Variants in ARMC1 observed in about 807,000 individuals in gnomAD.
The protein encoded by ARMC1 is armadillo repeat-containing protein 1.
ARMC1 carries 16 observed loss-of-function variants against 31.4 expected under a neutral mutation model. The ratio of observed to expected loss-of-function variants is 0.51; its 90% CI spans 0.34 to 0.77. The LOEUF (loss-of-function observed/expected upper bound fraction) is 0.77, where lower values mean the gene tolerates loss of function less well. Ranked by LOEUF, ARMC1 falls within the 30% of genes least tolerant of loss-of-function variation. The pLI is 0.01. For synonymous variants in ARMC1, 114 were observed against 118.9 expected, an observed-to-expected ratio of 0.96 and a Z score of 0.27; for missense variants, 259 against 347.5, an observed-to-expected ratio of 0.75 and a Z score of 2.02.
intron 2 of ARMC1, among the ~76,000 whole-genome samples, chr8:65,623,384 C>T (rs371287800): frequency 6.6e-4 from 98 of 148,488 alleles, no homozygotes; most frequent in African/African-American, 1.8e-3. Flanking sequence ...CAAGGCAGGC[C>T]GATCACTTAA....
At chr8:65,614,668 T>C (rs1371228537) in intron 3 of ARMC1, among the ~76,000 whole-genome samples, 2 of 152,198 alleles carry the variant, frequency 1.3e-5, no homozygotes, top group Non-Finnish European at 2.9e-5. Flanking sequence ...TGTCCTTCTA[T>C]TATTCTTTGG....
intron 2 of ARMC1, among the ~76,000 whole-genome samples, chr8:65,624,089 C>T (rs963714513): frequency 1.7e-4 from 26 of 151,098 alleles, no homozygotes; most frequent in African/African-American, 6.1e-4. Flanking sequence ...TGAGCCACCA[C>T]GCCCAGCCAA....
chr8:65,631,973 T>A (rs1808654623), intron 1 of ARMC1, among the ~76,000 whole-genome samples: 1 of 152,078 alleles, frequency 6.6e-6, no homozygotes, highest in Admixed American at 6.6e-5. Context: ...ACCCACTATA[T>A]GCCCAATTTG....
chr8:65,614,085 T>C (rs778592086), intron 3 of ARMC1, among the ~76,000 whole-genome samples: 7 of 152,212 alleles, frequency 4.6e-5, no homozygotes, highest in Non-Finnish European at 1.0e-4. Flanking sequence ...TACCTTGACT[T>C]TTAAGAAAAT....
At chr8:65,616,392 C>A (rs1290823928) in intron 3 of ARMC1, among the ~76,000 whole-genome samples, 1 of 152,222 alleles carries the variant, frequency 6.6e-6, no homozygotes, top group Non-Finnish European at 1.5e-5. Flanking sequence ...GCCTCGGCCT[C>A]CCGAGGTGCC....
intron 2 of ARMC1, among the ~76,000 whole-genome samples, chr8:65,625,726 A>G (rs1157104720): frequency 6.6e-6 from 1 of 152,018 alleles, no homozygotes; most frequent in African/African-American, 2.4e-5. Flanking sequence ...TTTGACTGCT[A>G]AACTTCATTC....
chr8:65,623,013 A>T (rs942831927), intron 2 of ARMC1, among the ~76,000 whole-genome samples: 2 of 136,376 alleles, frequency 1.5e-5, no homozygotes, highest in East Asian at 2.1e-4. Flanking sequence ...AAAAAAAATT[A>T]AAAAAAAAAA....
Position 65,618,521 on chromosome 8 carries a change from CA to C in ARMC1, c.275+3741del, listed in dbSNP as rs34079304. On this transcript the variant is annotated intron_variant, in intron 3 of 6. Transcript: ENST00000276569. ...TGGGTGACAGGGTGAGACTCAGTCTCAAAAAAAAAAAAAAAAAAGAACCTAA... is the reference window on the plus strand; with the variant it reads ...TGGGTGACAGGGTGAGACTCAGTCTCAAAAAAAAAAAAAAAAAGAACCTAA... Among the ~76,000 whole-genome samples, 161 of 98,682 alleles carry C rather than the reference CA, an allele frequency of 1.6e-3. 1 individual carries two copies. The highest frequency in any genetic ancestry group is 5.7e-3 in the Middle Eastern group (1 of 174). The allele number at this position is 98,682 out of a possible 152,430, so 64.7% of individuals were successfully genotyped here. A position where few individuals can be genotyped will look rare whatever the true frequency, so the allele number is the denominator to read the frequency against.
chr8:65,630,879 T>A (rs1432898921), intron 1 of ARMC1, among the ~76,000 whole-genome samples: 1 of 151,950 alleles, frequency 6.6e-6, no homozygotes, highest in African/African-American at 2.4e-5. Flanking sequence ...AGGATTGGGC[T>A]CAAATCAGCA....
At chr8:65,620,189 A>C (rs1395565252) in intron 3 of ARMC1, among the ~76,000 whole-genome samples, 6 of 151,466 alleles carry the variant, frequency 4.0e-5, no homozygotes, top group Non-Finnish European at 8.8e-5. Context: ...GAACTTTCTG[A>C]GATGATGGAA....
Position 65,603,004 on chromosome 8 carries a change from G to A in ARMC1, c.*1390C>T, listed in dbSNP as rs1271525619. ...TGAAAACACAAGGAAACCCTTTGAGGTCCAATTTTCACATCATATTCTCCA... is the reference window on the plus strand; with the variant it reads ...TGAAAACACAAGGAAACCCTTTGAGATCCAATTTTCACATCATATTCTCCA... On this transcript the variant is annotated 3_prime_UTR_variant, in exon 7 of 7. Transcript: ENST00000276569. 6.6e-6 allele frequency: 1 copy of A among 151,924 alleles called. No individual in the cohort carries two copies. Among genetic ancestry groups the A allele is most frequent in the African/African-American group, 2.4e-5 (1 of 41,364 alleles). The allele number at this position is 151,924 out of a possible 1,614,324, so 9.4% of individuals were successfully genotyped here.
In ARMC1 at chr8:65,603,794, GT is replaced by G. The variant is rs1807943371; in HGVS notation, c.*599del. 2 of 152,440 alleles carry G rather than the reference GT, an allele frequency of 1.3e-5. No homozygotes were observed. The highest frequency in any genetic ancestry group is 2.9e-5 in the Non-Finnish European group (2 of 68,020). The allele number at this position is 152,440 out of a possible 1,614,324, so 9.4% of individuals were successfully genotyped here. A position where few individuals can be genotyped will look rare whatever the true frequency, so the allele number is the denominator to read the frequency against. ...AAGGCTGCAAAATTTTTGTAGAGTTGTTTTTCTAGGGGACTACTGTGTTCAA... is the reference window on the plus strand; with the variant it reads ...AAGGCTGCAAAATTTTTGTAGAGTTGTTTTCTAGGGGACTACTGTGTTCAA... On this transcript the variant is annotated 3_prime_UTR_variant, in exon 7 of 7. Transcript: ENST00000276569.
At position 65,604,255 on chromosome 8, in the gene ARMC1, C is replaced by T. The variant is rs3750184; in HGVS notation, c.*139G>A. ...CAGTGGGGTAAAATGTCCAATAAAA[C>T]GTGAAATGCAGCATATGCGATCGTG... On this transcript the variant is annotated 3_prime_UTR_variant, in exon 7 of 7. Coordinates refer to ENST00000276569, the MANE Select transcript of ARMC1 (RefSeq NM_018120.6). The T allele has an allele frequency of 0.87, 621,509 of 713,118 alleles. 276,282 individuals are homozygous for T. Among genetic ancestry groups the T allele is most frequent in the Non-Finnish European group, 0.93 (416,784 of 446,636 alleles). 44.2% of individuals were successfully genotyped at this position (713,118 alleles called of 1,614,324 possible). A position where few individuals can be genotyped will look rare whatever the true frequency, so the allele number is the denominator to read the frequency against.
At chr8:65,604,951 C>T (rs1252954732) in intron 6 of ARMC1, among the ~76,000 whole-genome samples, 1 of 152,308 alleles carries the variant, frequency 6.6e-6, no homozygotes, top group Middle Eastern at 3.4e-3. Context: ...CAAGGATTTT[C>T]ACCCTATTTA....
At chr8:65,618,839 C>T (rs1490530438) in intron 3 of ARMC1, among the ~76,000 whole-genome samples, 6 of 151,142 alleles carry the variant, frequency 4.0e-5, no homozygotes, top group Admixed American at 1.3e-4. Flanking sequence ...GTCAGGAGAC[C>T]GAGACCATCC....
In ARMC1 at chr8:65,605,273, CTTTCACT is replaced by C; in HGVS notation, c.640_646del (p.Ser214ValfsTer89). 3 of 1,613,138 alleles carry C rather than the reference CTTTCACT, an allele frequency of 1.9e-6. No homozygotes were observed. Among genetic ancestry groups the C allele is most frequent in the Non-Finnish European group, 2.5e-6 (3 of 1,179,752 alleles). On this transcript the variant is annotated frameshift_variant, in exon 6 of 7. Transcript: ENST00000276569. LOFTEE classifies it high-confidence loss of function. ...AAACACAACTTTTACCTCTTCTCCACTTTCACTTTTCACAACTTGCTGAGCTTTCATA... is the reference window on the plus strand; with the variant it reads ...AAACACAACTTTTACCTCTTCTCCACTTTCACAACTTGCTGAGCTTTCATA...
Position 65,628,213 on chromosome 8 carries a change from A to T in ARMC1, c.-35-780T>A, listed in dbSNP as rs190114935. 5.3e-5 allele frequency among the ~76,000 whole-genome samples: 8 copies of T among 152,092 alleles called. No homozygotes were observed. In the East Asian group the frequency reaches 1.6e-3, roughly 30 times the overall value. ...TTATTTACTATTTCCTAAACTCATC[A>T]GCAGTCTTTCCACTTTGCATACTTT... is the stretch of plus-strand genomic sequence containing the variant. On this transcript the variant is annotated intron_variant, in intron 1 of 6. Coordinates refer to ENST00000276569, the MANE Select transcript of ARMC1 (RefSeq NM_018120.6).
chr8:65,627,877 C>T (rs952158298), intron 1 of ARMC1, among the ~76,000 whole-genome samples: 13 of 152,172 alleles, frequency 8.5e-5, no homozygotes, highest in African/African-American at 2.9e-4. Flanking sequence ...ACCTAGCATA[C>T]TCTGTCTACA....
chr8:65,624,282 T>C lies in ARMC1; in HGVS notation c.184-1928A>G, dbSNP rs1000728806. On this transcript the variant is annotated intron_variant, in intron 2 of 6. Coordinates refer to ENST00000276569, the MANE Select transcript of ARMC1 (RefSeq NM_018120.6). ...GGGAAGCTGAGGGGGGCAGATCACCTGAACTCAGGAGTTCAAGACCAGCCT... is the reference window on the plus strand; with the variant it reads ...GGGAAGCTGAGGGGGGCAGATCACCCGAACTCAGGAGTTCAAGACCAGCCT... 6.6e-5 allele frequency among the ~76,000 whole-genome samples: 10 copies of C among 151,844 alleles called. 1 individual carries two copies. Among genetic ancestry groups the C allele is most frequent in the African/African-American group, 2.4e-4 (10 of 41,460 alleles).
Sources: gnomAD v4.1 joint callset for allele counts (sites outside exome capture counted in the v4.1 genomes callset) on GRCh38, gnomAD v4.1.1 for gene constraint, MANE v1.5 for transcripts, NCBI Gene and HGNC (gene_info 2026-07-23, HGNC 2026-07-21) for gene names.